Variants in RAB31 observed in about 807,000 individuals in gnomAD.
RAB31 encodes RAB31, member RAS oncogene family, also known as ras-related protein Rab-31.
A neutral mutation model predicts 25.6 loss-of-function variants in RAB31; 21 were observed. The ratio of observed to expected loss-of-function variants is 0.82; its 90% CI spans 0.58 to 1.18. The LOEUF is 1.18. Ranked by LOEUF, RAB31 falls within the 50% of genes most tolerant of loss-of-function variation. RAB31 has a pLI of 0.00. For synonymous variants in RAB31, 87 were observed against 84.0 expected, an observed-to-expected ratio of 1.04 and a Z score of -0.20; for missense variants, 196 against 250.1, an observed-to-expected ratio of 0.78 and a Z score of 1.46.
intron 2 of RAB31, among the ~76,000 whole-genome samples, chr18:9,783,882 C>T (rs2068418170): frequency 6.6e-6 from 1 of 152,126 alleles, no homozygotes. Context: ...TTCTACCTAA[C>T]ACATTGAAAG....
chr18:9,831,048 T>A (rs1356339142), intron 5 of RAB31, among the ~76,000 whole-genome samples: 1 of 152,204 alleles, frequency 6.6e-6, no homozygotes, highest in Admixed American at 6.5e-5. Flanking sequence ...GACTTAGCCA[T>A]CCTTAAATCA....
At chr18:9,775,079 T>C (rs2068364890) in intron 1 of RAB31, among the ~76,000 whole-genome samples, 199 bp from the exon 2 acceptor site, 1 of 152,226 alleles carries the variant, frequency 6.6e-6, no homozygotes, top group Non-Finnish European at 1.5e-5. Flanking sequence ...ATACTTCTTT[T>C]CTTTCTGTGA....
intron 2 of RAB31, chr18:9,787,566 C>A: frequency 5.4e-6 from 1 of 185,080 alleles, no homozygotes; most frequent in South Asian, 1.3e-4. Flanking sequence ...CAGCACTTAC[C>A]ATCAGGTGGT....
chr18:9,744,994 A>G (rs2068198072), intron 1 of RAB31, among the ~76,000 whole-genome samples: 2 of 152,204 alleles, frequency 1.3e-5, no homozygotes, highest in East Asian at 1.9e-4. Flanking sequence ...ATAGAAAAAT[A>G]ATAGGGAAAA....
rs545889961 is a variant in RAB31, at chr18:9,828,092, G to A, written c.380+12870G>A. 7.2e-5 allele frequency among the ~76,000 whole-genome samples: 11 copies of A among 152,286 alleles called. No individual in the cohort carries two copies. The South Asian group carries it at 1.0e-3, about 14-fold the overall frequency. On this transcript the variant is annotated intron_variant, in intron 5 of 6. Transcript: ENST00000578921. ...GTGTTGGAGGAGGAAATTCCAGGAA[G>A]GGGCAAGATCTGGAACGAAGGCCTG...
At chr18:9,755,004 T>C (rs1452360501) in intron 1 of RAB31, among the ~76,000 whole-genome samples, 1 of 152,184 alleles carries the variant, frequency 6.6e-6, no homozygotes, top group East Asian at 1.9e-4. Flanking sequence ...GGTCTACAGC[T>C]TGGGTTTCTG....
chr18:9,844,172 G>C (rs2068748739), intron 5 of RAB31, among the ~76,000 whole-genome samples: 1 of 152,124 alleles, frequency 6.6e-6, no homozygotes, highest in East Asian at 1.9e-4. Flanking sequence ...AGACTGTGGA[G>C]CTGACCCTGT....
intron 3 of RAB31, among the ~76,000 whole-genome samples, chr18:9,798,885 C>T (rs1456403037): frequency 2.6e-5 from 4 of 151,996 alleles, no homozygotes; most frequent in East Asian, 1.9e-4. Flanking sequence ...GTCAGGAGTA[C>T]GAGACCAGCC....
chr18:9,731,007 A>G (rs561452608), intron 1 of RAB31, among the ~76,000 whole-genome samples: 2 of 152,326 alleles, frequency 1.3e-5, no homozygotes, highest in East Asian at 1.9e-4. Flanking sequence ...GCCTCACTAC[A>G]TGCTAAGTCA....
intron 5 of RAB31, among the ~76,000 whole-genome samples, chr18:9,824,462 G>T (rs1257595028): frequency 6.6e-6 from 1 of 151,472 alleles, no homozygotes; most frequent in Non-Finnish European, 1.5e-5. Flanking sequence ...GTGTGTGTAG[G>T]TGTGTGTGTG....
At chr18:9,846,618 A>G (rs951192523) in intron 6 of RAB31, among the ~76,000 whole-genome samples, 14 of 152,224 alleles carry the variant, frequency 9.2e-5, no homozygotes, top group African/African-American at 3.1e-4. Flanking sequence ...AGACAACTCC[A>G]GAAGGGAAAC....
At chr18:9,846,229 G>T (rs1010664819) in intron 6 of RAB31, among the ~76,000 whole-genome samples, 1 of 152,182 alleles carries the variant, frequency 6.6e-6, no homozygotes, top group South Asian at 2.1e-4. Context: ...CCTCCTTCCT[G>T]GTCCCAGTGC....
chr18:9,836,435 T>C (rs1458160165), intron 5 of RAB31, among the ~76,000 whole-genome samples: 1 of 152,218 alleles, frequency 6.6e-6, no homozygotes, highest in Admixed American at 6.5e-5. Flanking sequence ...GCAGTGTATA[T>C]TTTATTGTGC....
At position 9,708,531 on chromosome 18, in the gene RAB31, G is replaced by C; in HGVS notation, c.39+87G>C. ...CCTATTCCCTGCGCGCTCAGTCCCC[G>C]TGATCCCCTCGCTCTCCGCACCCCT... On this transcript the variant is annotated intron_variant, in intron 1 of 6. Transcript: ENST00000578921. This position sits in a 1 kb window ranked among gnomAD's most constrained non-coding sequence, Gnocchi z 6.4. 8.5e-7 allele frequency: 1 copy of C among 1,177,400 alleles called. No homozygotes were observed. Among genetic ancestry groups the C allele is most frequent in the Middle Eastern group, 2.2e-4 (1 of 4,448 alleles). 72.9% of individuals were successfully genotyped at this position (1,177,400 alleles called of 1,614,324 possible).
intron 1 of RAB31, among the ~76,000 whole-genome samples, chr18:9,750,339 G>A (rs1250053735): frequency 6.6e-6 from 1 of 152,206 alleles, no homozygotes; most frequent in African/African-American, 2.4e-5. Flanking sequence ...CTGCGTCCCG[G>A]TTGACCCTGG....
chr18:9,717,051 C>G lies in RAB31; in HGVS notation c.39+8607C>G, dbSNP rs528288806. On this transcript the variant is annotated intron_variant, in intron 1 of 6. Transcript: ENST00000578921. ...ATATTGGGATTACAGGTGTGAGTCA[C>G]TTTGCCCAGCCAAAAAGTGGGCTTC... Among the ~76,000 whole-genome samples, 86 of 151,832 alleles carry G rather than the reference C, an allele frequency of 5.7e-4. 1 individual carries two copies. Among genetic ancestry groups the G allele is most frequent in the Non-Finnish European group, 1.3e-4 (9 of 67,960 alleles).
At chr18:9,758,179 A>T (rs1021278593) in intron 1 of RAB31, 1 of 152,006 alleles carries the variant, frequency 6.6e-6, no homozygotes, top group Non-Finnish European at 1.5e-5. Flanking sequence ...GAGAAACTGG[A>T]TTTGTTGCCT....
chr18:9,842,133 G>C lies in RAB31; in HGVS notation c.381-3449G>C, dbSNP rs59071245. 5.8e-3 allele frequency among the ~76,000 whole-genome samples: 888 copies of C among 152,286 alleles called. 4 individuals are homozygous for C. The highest frequency in any genetic ancestry group is 0.02 in the African/African-American group (850 of 41,548). On this transcript the variant is annotated intron_variant, in intron 5 of 6. Transcript: ENST00000578921. ...GGGACAAGGAGCTTCCAGCCTCTCA[G>C]GGGTAGCACTCCCAGCACACCAGTG...
At chr18:9,756,811 T>C (rs2145481317) in intron 1 of RAB31, among the ~76,000 whole-genome samples, 1 of 152,344 alleles carries the variant, frequency 6.6e-6, no homozygotes, top group South Asian at 2.1e-4. Context: ...CAGTTTTGCT[T>C]TCCTCCAGTC....
Sources: gnomAD v4.1 joint callset for allele counts (sites outside exome capture counted in the v4.1 genomes callset) on GRCh38, gnomAD v4.1.1 for gene constraint, Gnocchi (gnomAD v3.1) non-coding constraint, MANE v1.5 for transcripts, NCBI Gene and HGNC (gene_info 2026-07-23, HGNC 2026-07-21) for gene names.